ZNF81: variants seen among roughly 807,000 people sequenced by gnomAD.
The protein encoded by ZNF81 is zinc finger protein 81, also known as zinc finger protein 81 (HFZ20).
ZNF81 carries 5 observed loss-of-function variants against 32.3 expected under a neutral mutation model. That is an observed-to-expected ratio of 0.15 (90% CI 0.08 to 0.33). The LOEUF (loss-of-function observed/expected upper bound fraction) is 0.33. ZNF81 is among the 10% of genes least tolerant of loss of function. The pLI, the probability that ZNF81 is intolerant of heterozygous loss-of-function variation, is 1.00. For missense variants in ZNF81, 379 were observed against 479.8 expected (o/e 0.79, Z 1.96); for synonymous variants, 163 against 166.8 (o/e 0.98, Z 0.17).
At chrX:47,849,498 C>G (rs1047075253) in intron 2 of ZNF81, among the ~76,000 whole-genome samples, 1 of 110,810 alleles carries the variant, frequency 9.0e-6, no homozygotes, top group Non-Finnish European at 1.9e-5. Context: ...ATGGTGAAAC[C>G]CTGTCTCTAC....
intron 3 of ZNF81, among the ~76,000 whole-genome samples, chrX:47,895,513 A>C (rs1401954276): frequency 2.7e-5 from 3 of 112,045 alleles, no homozygotes; most frequent in African/African-American, 9.7e-5. Flanking sequence ...CAGAGAGAGC[A>C]TGACCCTGCT....
Position 47,916,086 on chromosome X carries a change from T to C in ZNF81, c.1440T>C (p.Pro480=). 8.3e-7 allele frequency: 1 copy of C among 1,210,510 alleles called. No homozygotes were observed. Among genetic ancestry groups the C allele is most frequent in the South Asian group, 1.8e-5 (1 of 56,910 alleles). The change falls in exon 5 of 5, where the codon CCT becomes CCC. Residue 480 remains proline (P), a synonymous_variant. Transcript: ENST00000338637. ...GCAGTGACTGTGGGAAATCTTTCCC[T>C]TCTAAGTCACAACTCCAGATGCATA... ...YECSDCGKSF[P]SKSQLQMHKR...
intron 2 of ZNF81, among the ~76,000 whole-genome samples, chrX:47,853,055 G>C (rs1556881437): frequency 8.9e-6 from 1 of 112,469 alleles, no homozygotes; most frequent in Non-Finnish European, 1.9e-5. Context: ...TGCATTGTCA[G>C]TGAGCAGTGA....
In ZNF81 at chrX:47,915,490, A is replaced by G; in HGVS notation, c.844A>G (p.Ile282Val). 8.3e-7 allele frequency: 1 copy of G among 1,211,738 alleles called. No homozygotes were observed. ...KANTCTEFGK[I>V]FTQRSHFFAP... ...AAACACATGTACTGAATTTGGGAAG[A>G]TCTTCACCCAGAGGTCACATTTCTT... Residue 282 changes from isoleucine (I) to valine (V), a missense_variant, in exon 5 of 5, where the codon ATC becomes GTC. Physicochemically the swap from Ile to Val is conservative, Grantham distance 29. Around this residue, in one of 2 missense-constraint regions of ZNF81, gnomAD observed 277 missense variants for 306.6 expected, o/e 0.90. Transcript: ENST00000338637.
intron 2 of ZNF81, among the ~76,000 whole-genome samples, chrX:47,848,060 A>G (rs1204061554): frequency 3.6e-5 from 4 of 110,167 alleles, no homozygotes; most frequent in Non-Finnish European, 7.6e-5. Context: ...GACTACAGGC[A>G]CCCGCCACCA....
At chrX:47,847,325 C>T (rs1396541066) in intron 2 of ZNF81, among the ~76,000 whole-genome samples, 1 of 111,528 alleles carries the variant, frequency 9.0e-6, no homozygotes, top group African/African-American at 3.3e-5. Context: ...AGTGATCCTC[C>T]TACCTCAGCC....
chrX:47,889,502 G>A (rs1371035320), intron 3 of ZNF81, among the ~76,000 whole-genome samples: 3 of 112,237 alleles, frequency 2.7e-5, no homozygotes, highest in African/African-American at 9.7e-5. Flanking sequence ...TAGTTTCAGA[G>A]AACAGGGCCA....
intron 4 of ZNF81, among the ~76,000 whole-genome samples, chrX:47,907,707 A>G (rs782169999): frequency 8.3e-4 from 93 of 112,134 alleles, no homozygotes; most frequent in Non-Finnish European, 1.4e-3. Context: ...AAATGAGAAA[A>G]GAAACATCAT....
At chrX:47,881,212 T>C (rs1266308589) in intron 2 of ZNF81, among the ~76,000 whole-genome samples, 1 of 111,923 alleles carries the variant, frequency 8.9e-6, no homozygotes, top group Non-Finnish European at 1.9e-5. Context: ...GCAATCTTCC[T>C]GCTCCCAACT....
chrX:47,841,296 A>G, intron 1 of ZNF81: 2 of 639,464 alleles, frequency 3.1e-6, no homozygotes, highest in Non-Finnish European at 5.2e-6. Flanking sequence ...AGGTCACATA[A>G]GGTTCCACTA....
At chrX:47,854,925 C>A (rs1014941344) in intron 2 of ZNF81, among the ~76,000 whole-genome samples, 4 of 110,594 alleles carry the variant, frequency 3.6e-5, no homozygotes, top group Non-Finnish European at 7.6e-5. Context: ...GAAACCCCGT[C>A]TCTACTAAAA....
chrX:47,845,374 C>T (rs5906487), intron 1 of ZNF81, among the ~76,000 whole-genome samples: 45,000 of 110,502 alleles, frequency 0.41, 7,327 homozygotes, highest in East Asian at 0.6. Flanking sequence ...AACAGTTTTA[C>T]CTCTGGATAT....
In ZNF81 at chrX:47,915,530, T is replaced by A. The variant is rs781812810; in HGVS notation, c.884T>A (p.Ile295Asn). Reference protein sequence around the residue: ...QRSHFFAPQKIHTVEKPHELS... With the variant: ...QRSHFFAPQKNHTVEKPHELS... ...TCACATTTCTTTGCTCCTCAAAAAA[T>A]TCATACTGTGGAAAAACCTCATGAG... is the stretch of plus-strand genomic sequence containing the variant. Residue 295 changes from isoleucine to asparagine, a missense_variant, in exon 5 of 5, where the codon ATT (isoleucine) becomes AAT (asparagine). This residue lies in a region of ZNF81 where 277 missense variants were observed against 306.6 expected (regional missense o/e 0.90). Transcript: ENST00000338637. 7.4e-6 allele frequency: 9 copies of A among 1,209,874 alleles called. No individual in the cohort carries two copies. The highest frequency in any genetic ancestry group is 7.8e-6 in the Non-Finnish European group (7 of 895,255).
chrX:47,839,790 AGTT>A (rs1199253050), intron 1 of ZNF81, among the ~76,000 whole-genome samples: 1 of 111,808 alleles, frequency 8.9e-6, no homozygotes, highest in African/African-American at 3.3e-5. Context: ...ATGTGCACAA[AGTT>A]GTTGTGGTAT....
chrX:47,901,698 C>T (rs782767898), intron 4 of ZNF81, among the ~76,000 whole-genome samples: 1 of 105,530 alleles, frequency 9.5e-6, no homozygotes, highest in East Asian at 3.1e-4. Context: ...TGATTTGATT[C>T]GCTAATATTT....
At chrX:47,898,363 C>A (rs959560108) in intron 4 of ZNF81, among the ~76,000 whole-genome samples, 7 of 111,119 alleles carry the variant, frequency 6.3e-5, no homozygotes, top group Non-Finnish European at 1.3e-4. Flanking sequence ...TGGGAGTGGG[C>A]AGTCTCTCCA....
chrX:47,892,078 A>G (rs782757365), intron 3 of ZNF81, among the ~76,000 whole-genome samples: 9 of 111,422 alleles, frequency 8.1e-5, no homozygotes, highest in African/African-American at 2.9e-4. Context: ...CTCTACTTAT[A>G]CAGATCAACT....
At chrX:47,896,933 A>G (rs1374726242) in intron 4 of ZNF81, among the ~76,000 whole-genome samples, 1 of 112,636 alleles carries the variant, frequency 8.9e-6, no homozygotes, top group Non-Finnish European at 1.9e-5. Flanking sequence ...TTGAATGACA[A>G]ATAGTATTTC....
At chrX:47,860,605 C>T (rs987330248) in intron 2 of ZNF81, 2 of 111,287 alleles carry the variant, frequency 1.8e-5, no homozygotes, top group African/African-American at 3.3e-5. Context: ...TATAAACCAA[C>T]CCCTGATTTA....
Sources: gnomAD v4.1 joint callset for allele counts (sites outside exome capture counted in the v4.1 genomes callset) on GRCh38, gnomAD v4.1.1 for gene constraint, gnomAD v4.1.1 regional missense constraint, MANE v1.5 for transcripts, NCBI Gene and HGNC (gene_info 2026-07-23, HGNC 2026-07-21) for gene names.